The following C14orf132 variants were observed in gnomAD, a reference collection of about 807,000 sequenced individuals.
The protein encoded by C14orf132 is uncharacterized protein C14orf132.
A neutral mutation model predicts 5.8 loss-of-function variants in C14orf132; 6 were observed. The ratio of observed to expected loss-of-function variants is 1.03; its 90% confidence interval spans 0.57 to 2.04. C14orf132 has a LOEUF of 2.04. Among genes scored for constraint, C14orf132 ranks in the 30% most tolerant of loss-of-function variants. The pLI is 0.00. For missense variants in C14orf132, 125 were observed against 115.8 expected (o/e 1.08, Z -0.37); for synonymous variants, 51 against 49.8 (o/e 1.02, Z -0.10).
chr14:96,040,061 G>T (rs906311614), intron 1 of C14orf132, among the ~76,000 whole-genome samples: 1 of 151,806 alleles, frequency 6.6e-6, no homozygotes, highest in South Asian at 2.1e-4. Flanking sequence ...GACGCGCCGC[G>T]GTCGTTTGTC....
At chr14:96,051,847 G>A (rs762286596) in intron 1 of C14orf132, among the ~76,000 whole-genome samples, 4 of 152,206 alleles carry the variant, frequency 2.6e-5, no homozygotes, top group South Asian at 2.1e-4. Context: ...AGCCTTCATC[G>A]TCTTTGTCAT....
At chr14:96,061,782 T>C (rs1429357288) in intron 1 of C14orf132, among the ~76,000 whole-genome samples, 1 of 152,044 alleles carries the variant, frequency 6.6e-6, no homozygotes, top group Non-Finnish European at 1.5e-5. Context: ...TGGTGGTGCA[T>C]GCCTGTAGCT....
rs1280678668 is a variant in C14orf132 at position 96,039,668 on chromosome 14, C to G, written c.27+141C>G. On this transcript the variant is annotated intron_variant, in intron 1 of 1. Coordinates refer to ENST00000555004, the MANE Select transcript of C14orf132 (RefSeq NM_001252507.3). This position sits in a 1 kb window ranked among gnomAD's most constrained non-coding sequence, Gnocchi z 5.3. The stretch of plus-strand genomic sequence containing the variant: ...CGGTCCTTTGTCCCGAGCCGGACAC[C>G]CCCACTTGGTGCACGCGTCGGGGGC... 4 of 882,664 alleles carry G rather than the reference C, an allele frequency of 4.5e-6. No individual in the cohort carries two copies. The highest frequency in any genetic ancestry group is 6.1e-6 in the Non-Finnish European group (4 of 655,700). The allele number at this position is 882,664 out of a possible 1,614,324, so 54.7% of individuals were successfully genotyped here. A position where few individuals can be genotyped will look rare whatever the true frequency, so the allele number is the denominator to read the frequency against.
At chr14:96,073,171 A>G (rs889929127) in intron 1 of C14orf132, among the ~76,000 whole-genome samples, 3 of 151,978 alleles carry the variant, frequency 2.0e-5, no homozygotes, top group South Asian at 2.1e-4. Context: ...AAGTTTAGCC[A>G]TTGTGATAGA....
At chr14:96,051,191 C>T (rs1887016450) in intron 1 of C14orf132, 1 of 398,560 alleles carries the variant, frequency 2.5e-6, no homozygotes, top group Non-Finnish European at 4.4e-6. Context: ...AACTCCTTTC[C>T]AGTCTGCCGT....
rs1483509930 is a variant in C14orf132, at chr14:96,039,498, A to C, written c.-3A>C. ...GGACTCGAGCGCTGGCTGCAGCGAC[A>C]CCATGGATCTCTCCTTTATGGCCGC... On this transcript the variant is annotated 5_prime_UTR_variant, in exon 1 of 2. Coordinates refer to ENST00000555004, the MANE Select transcript of C14orf132 (RefSeq NM_001252507.3). This position sits in a 1 kb window ranked among gnomAD's most constrained non-coding sequence, Gnocchi z 5.3. 10 of 1,497,532 alleles carry C rather than the reference A, an allele frequency of 6.7e-6. No individual in the cohort carries two copies. The highest frequency in any genetic ancestry group is 8.9e-6 in the Non-Finnish European group (10 of 1,126,696). 92.8% of individuals were successfully genotyped at this position (1,497,532 alleles called of 1,614,324 possible). A position where few individuals can be genotyped will look rare whatever the true frequency, so the allele number is the denominator to read the frequency against.
intron 1 of C14orf132, among the ~76,000 whole-genome samples, chr14:96,053,452 C>T (rs1414524407): frequency 6.6e-6 from 1 of 152,216 alleles, no homozygotes; most frequent in Non-Finnish European, 1.5e-5. Context: ...AGAGAGGTGC[C>T]CAGTACATGT....
At chr14:96,068,657 C>G (rs1887607951) in intron 1 of C14orf132, among the ~76,000 whole-genome samples, 1 of 152,170 alleles carries the variant, frequency 6.6e-6, no homozygotes, top group South Asian at 2.1e-4. Context: ...GAAAGCTTGG[C>G]CACATTCATC....
chr14:96,077,458 A>C (rs74786296), intron 1 of C14orf132, among the ~76,000 whole-genome samples: 1 of 152,278 alleles, frequency 6.6e-6, no homozygotes, highest in East Asian at 1.9e-4. Flanking sequence ...GTTCAGTATG[A>C]TTGGCATCCT....
chr14:96,083,242 G>T (rs1357014837), intron 1 of C14orf132, among the ~76,000 whole-genome samples: 4 of 152,190 alleles, frequency 2.6e-5, no homozygotes, highest in Non-Finnish European at 4.4e-5. Flanking sequence ...GGCTGAGGGG[G>T]TTTGTGATGA....
chr14:96,064,947 T>G (rs1887486402), intron 1 of C14orf132, among the ~76,000 whole-genome samples: 1 of 152,236 alleles, frequency 6.6e-6, no homozygotes, highest in South Asian at 2.1e-4. Context: ...CTTTGCTGGT[T>G]GGCAGGGATT....
chr14:96,055,298 T>C (rs1348397515), intron 1 of C14orf132, among the ~76,000 whole-genome samples: 1 of 152,170 alleles, frequency 6.6e-6, no homozygotes, highest in Non-Finnish European at 1.5e-5. Flanking sequence ...TCAGGGAGAC[T>C]GCTGACAAAC....
At chr14:96,060,607 CTG>C (rs1394251139) in intron 1 of C14orf132, among the ~76,000 whole-genome samples, 1 of 152,176 alleles carries the variant, frequency 6.6e-6, no homozygotes, top group Non-Finnish European at 1.5e-5. Flanking sequence ...CTTCCCCACT[CTG>C]TCTTTCTCCT....
At chr14:96,055,547 C>T (rs1410005748) in intron 1 of C14orf132, among the ~76,000 whole-genome samples, 6 of 152,162 alleles carry the variant, frequency 3.9e-5, no homozygotes, top group African/African-American at 7.2e-5. Flanking sequence ...AATGCCGCTG[C>T]GTACATCTGG....
At chr14:96,052,802 G>A (rs934072263) in intron 1 of C14orf132, among the ~76,000 whole-genome samples, 2 of 152,002 alleles carry the variant, frequency 1.3e-5, no homozygotes, top group Non-Finnish European at 2.9e-5. Context: ...CAGGCATTCT[G>A]CGCAGTACCC....
chr14:96,084,748 G>A (rs560821294), intron 1 of C14orf132, among the ~76,000 whole-genome samples: 1 of 152,190 alleles, frequency 6.6e-6, no homozygotes, highest in Non-Finnish European at 1.5e-5. Context: ...GAGCCCCATA[G>A]CAGTCCTTTC....
intron 1 of C14orf132, chr14:96,051,098 G>A (rs985222855): frequency 5.0e-6 from 2 of 398,426 alleles, no homozygotes; most frequent in Non-Finnish European, 8.8e-6. Flanking sequence ...CACAAAATGT[G>A]AGTAACATAC....
In C14orf132 at chr14:96,090,722, C is replaced by T; in HGVS notation, c.*3987C>T. 1 of 456,076 alleles carries T rather than the reference C, an allele frequency of 2.2e-6. No homozygotes were observed. Among genetic ancestry groups the T allele is most frequent in the South Asian group, 1.5e-5 (1 of 64,556 alleles). The allele number at this position is 456,076 out of a possible 1,614,324, so 28.3% of individuals were successfully genotyped here. On this transcript the variant is annotated 3_prime_UTR_variant, in exon 2 of 2. Coordinates refer to ENST00000555004, the MANE Select transcript of C14orf132 (RefSeq NM_001252507.3). ...GAAAGGATGGGAGGAGGGGCAGCAG[C>T]ATTTCGCTGGAAAGGCAGCAGATGC... is the stretch of plus-strand genomic sequence containing the variant.
At position 96,087,022 on chromosome 14, in the gene C14orf132, C is replaced by T. The variant is rs1421698313; in HGVS notation, c.*287C>T. On this transcript the variant is annotated 3_prime_UTR_variant, in exon 2 of 2. Coordinates refer to ENST00000555004, the MANE Select transcript of C14orf132 (RefSeq NM_001252507.3). Reference sequence around the variant, plus strand: ...GAAACTACATTCCAGGAACATGGGACCAGATGAGACAGCTAGTTAAGTTTA... The same window carrying T: ...GAAACTACATTCCAGGAACATGGGATCAGATGAGACAGCTAGTTAAGTTTA... 2.1e-6 allele frequency: 1 copy of T among 478,472 alleles called. No homozygotes were observed. Among genetic ancestry groups the T allele is most frequent in the Non-Finnish European group, 3.7e-6 (1 of 266,782 alleles). The allele number at this position is 478,472 out of a possible 1,614,324, so 29.6% of individuals were successfully genotyped here. A position where few individuals can be genotyped will look rare whatever the true frequency, so the allele number is the denominator to read the frequency against.
Sources: gnomAD v4.1 joint callset for allele counts (sites outside exome capture counted in the v4.1 genomes callset) on GRCh38, gnomAD v4.1.1 for gene constraint, Gnocchi (gnomAD v3.1) non-coding constraint, MANE v1.5 for transcripts, NCBI Gene and HGNC (gene_info 2026-07-23, HGNC 2026-07-21) for gene names.